RABGAP1: variants seen among roughly 807,000 people sequenced by gnomAD.
RABGAP1 encodes rab GTPase-activating protein 1.
RABGAP1 carries 23 observed loss-of-function variants against 137.6 expected under a neutral mutation model. That is an observed-to-expected ratio of 0.17 (90% CI 0.12 to 0.24). The LOEUF (loss-of-function observed/expected upper bound fraction) is 0.24, where lower values mean the gene tolerates loss of function less well. Ranked by LOEUF, RABGAP1 falls within the 10% of genes least tolerant of loss-of-function variation. RABGAP1 has a pLI of 1.00. For synonymous variants in RABGAP1, 451 were observed against 450.7 expected, an observed-to-expected ratio of 1.00 and a Z score of -0.01; for missense variants, 906 against 1,275.8, an observed-to-expected ratio of 0.71 and a Z score of 4.42.
At chr9:123,033,671 T>C (rs2032435634) in intron 13 of RABGAP1, 1 of 152,206 alleles carries the variant, frequency 6.6e-6, no homozygotes, top group Non-Finnish European at 1.5e-5. Context: ...TGAAGCACAT[T>C]CCTGCTTTGC....
Position 122,986,425 on chromosome 9 carries a change from A to G in RABGAP1, c.590+6A>G. On this transcript the variant is annotated splice_donor_region_variant and intron_variant, in intron 4 of 25. Coordinates refer to ENST00000373647, the MANE Select transcript of RABGAP1 (RefSeq NM_012197.4). ...GTGTCTGAAGGAATTGTGAGGTGAG[A>G]CTGGTTTGTTGAAATCTTTCGATAT... 1 of 1,613,250 alleles carries G rather than the reference A, an allele frequency of 6.2e-7. No individual in the cohort carries two copies. Among genetic ancestry groups the G allele is most frequent in the Non-Finnish European group, 8.5e-7 (1 of 1,179,226 alleles).
chr9:123,095,097 C>T (rs1296079192), intron 21 of RABGAP1, among the ~76,000 whole-genome samples: 1 of 151,796 alleles, frequency 6.6e-6, no homozygotes, highest in Non-Finnish European at 1.5e-5. Flanking sequence ...TGTGGTGTCA[C>T]ATGCCTATAT....
At chr9:122,961,838 C>T (rs1254908248) in intron 2 of RABGAP1, among the ~76,000 whole-genome samples, 1 of 151,652 alleles carries the variant, frequency 6.6e-6, no homozygotes, top group Non-Finnish European at 1.5e-5. Context: ...ATATGTTTGC[C>T]AATAATAGGA....
At chr9:123,074,241 G>A (rs376465892) in intron 16 of RABGAP1, 44 bp from the exon 17 acceptor site, 28 of 1,608,796 alleles carry the variant, frequency 1.7e-5, no homozygotes, top group Non-Finnish European at 2.2e-5. Context: ...GTGGGAATTG[G>A]ACAGATGCAT....
chr9:123,054,219 C>T (rs2132073448), intron 13 of RABGAP1, among the ~76,000 whole-genome samples: 1 of 152,312 alleles, frequency 6.6e-6, no homozygotes, highest in South Asian at 2.1e-4. Flanking sequence ...AGAAAGAAAT[C>T]ACCTGCAAAT....
chr9:122,949,457 T>G (rs951074811), intron 1 of RABGAP1, among the ~76,000 whole-genome samples: 1 of 152,004 alleles, frequency 6.6e-6, no homozygotes, highest in Admixed American at 6.6e-5. Context: ...GAGGTTACAG[T>G]GAGCTGAGAT....
intron 10 of RABGAP1, among the ~76,000 whole-genome samples, chr9:122,999,926 T>C (rs1377009823): frequency 6.6e-6 from 1 of 152,014 alleles, no homozygotes; most frequent in Non-Finnish European, 1.5e-5. Context: ...TTCACTGATT[T>C]TTATCAACTT....
chr9:122,965,626 C>T (rs546009743), intron 2 of RABGAP1, among the ~76,000 whole-genome samples: 15 of 152,096 alleles, frequency 9.9e-5, no homozygotes, highest in African/African-American at 1.4e-4. Flanking sequence ...TCAGGTGATC[C>T]GCCTGCCTCG....
At chr9:123,057,506 A>G (rs2132088038) in intron 13 of RABGAP1, among the ~76,000 whole-genome samples, 1 of 150,188 alleles carries the variant, frequency 6.7e-6, no homozygotes, top group East Asian at 2.0e-4. Context: ...GCGGTCGGGA[A>G]GAGGCGCTCC....
intron 5 of RABGAP1, 93 bp from the exon 6 acceptor site, chr9:122,989,963 T>C (rs1588223831): frequency 7.6e-7 from 1 of 1,320,582 alleles, no homozygotes; most frequent in East Asian, 2.4e-5. Context: ...ATAAAGATAA[T>C]TATTGCCCTC....
rs1163810631 is a variant in RABGAP1 at position 123,031,920 on chromosome 9, A to G, written c.1794+11461A>G. Among the ~76,000 whole-genome samples, 5 of 152,322 alleles carry G rather than the reference A, an allele frequency of 3.3e-5. No individual in the cohort carries two copies. The East Asian group carries it at 9.6e-4, about 29-fold the overall frequency. ...GGAGACCTAGGCAGAGAAATTATTTATGTTGAGGGAATAATTGACGCCATG... is the reference window on the plus strand; with the variant it reads ...GGAGACCTAGGCAGAGAAATTATTTGTGTTGAGGGAATAATTGACGCCATG... On this transcript the variant is annotated intron_variant, in intron 13 of 25. Transcript: ENST00000373647.
chr9:123,034,340 A>G, intron 13 of RABGAP1: 1 of 553,000 alleles, frequency 1.8e-6, no homozygotes, highest in Non-Finnish European at 3.2e-6. Context: ...CGCGTCTGGG[A>G]CTGGCCAGAC....
intron 2 of RABGAP1, among the ~76,000 whole-genome samples, chr9:122,981,927 T>G (rs984776817): frequency 1.3e-5 from 2 of 151,968 alleles, no homozygotes; most frequent in Non-Finnish European, 2.9e-5. Context: ...CACGCGCCTG[T>G]GATCCCAGCT....
chr9:123,069,575 TA>T (rs11319313), intron 14 of RABGAP1, among the ~76,000 whole-genome samples: 107,570 of 145,452 alleles, frequency 0.74, 41,161 homozygotes, highest in Middle Eastern at 0.87. Context: ...CTGTCTCTAT[TA>T]AAAAAAAAAA....
chr9:123,038,340 T>A (rs2032777824), intron 13 of RABGAP1, among the ~76,000 whole-genome samples: 1 of 152,192 alleles, frequency 6.6e-6, no homozygotes, highest in Non-Finnish European at 1.5e-5. Flanking sequence ...AATAATGGTC[T>A]CAGTATTTTA....
chr9:122,933,844 C>CA, the RABGAP1 span, among the ~76,000 whole-genome samples: 1 of 151,844 alleles, frequency 6.6e-6, no homozygotes, highest in Non-Finnish European at 1.5e-5. Context: ...AGGCTGGTCT[C>CA]AAACTCCTGA....
At chr9:123,035,318 C>G in intron 13 of RABGAP1, 1 of 1,614,144 alleles carries the variant, frequency 6.2e-7, no homozygotes, top group Middle Eastern at 1.6e-4. Context: ...AAGCGCTATG[C>G]CATGGTCCTG....
intron 1 of RABGAP1, among the ~76,000 whole-genome samples, chr9:122,942,651 C>G (rs1478221611): frequency 9.4e-6 from 1 of 106,620 alleles, no homozygotes; most frequent in Non-Finnish European, 1.7e-5. Flanking sequence ...GTCTGAGCAA[C>G]AGAGCGAGAC....
intron 10 of RABGAP1, among the ~76,000 whole-genome samples, chr9:122,999,479 C>T (rs970092144): frequency 6.6e-6 from 1 of 152,088 alleles, no homozygotes; most frequent in Non-Finnish European, 1.5e-5. Flanking sequence ...ACGTGAGCCA[C>T]CTTGCCCAGC....
Sources: allele counts gnomAD v4.1 joint callset (sites outside exome capture counted in the v4.1 genomes callset), GRCh38; gene constraint gnomAD v4.1.1; transcripts MANE v1.5; gene names NCBI Gene and HGNC (gene_info 2026-07-23, HGNC 2026-07-21).